Variants in AHCYL2 observed in about 807,000 individuals in gnomAD.
The protein encoded by AHCYL2 is S-adenosylhomocysteine hydrolase-like protein 2.
AHCYL2 carries 28 observed loss-of-function variants against 81.4 expected under a neutral mutation model. That is an observed-to-expected ratio of 0.34 (90% CI 0.25 to 0.47). The LOEUF is 0.47. AHCYL2 is among the 20% of genes least tolerant of loss of function. AHCYL2 has a pLI of 1.00. For missense variants in AHCYL2, 551 were observed against 785.1 expected (o/e 0.70, Z 3.56); for synonymous variants, 272 against 290.2 (o/e 0.94, Z 0.64).
intron 1 of AHCYL2, among the ~76,000 whole-genome samples, chr7:129,276,199 G>A (rs1396361329): frequency 1.3e-5 from 2 of 151,844 alleles, no homozygotes; most frequent in African/African-American, 4.8e-5. Context: ...CTGTGTATCA[G>A]AATTATGGGT....
intron 1 of AHCYL2, among the ~76,000 whole-genome samples, chr7:129,254,678 C>A (rs1241947563): frequency 6.6e-6 from 1 of 152,192 alleles, no homozygotes; most frequent in African/African-American, 2.4e-5. Flanking sequence ...GCTCATTAAG[C>A]TGTGGATCAC....
chr7:129,425,732 G>T (rs1797335528), intron 15 of AHCYL2, among the ~76,000 whole-genome samples: 2 of 152,208 alleles, frequency 1.3e-5, no homozygotes, highest in African/African-American at 4.8e-5. Flanking sequence ...GCAAAGATCA[G>T]GTAATAAATA....
intron 1 of AHCYL2, among the ~76,000 whole-genome samples, chr7:129,361,028 T>C (rs1385241908): frequency 6.6e-6 from 1 of 152,232 alleles, no homozygotes; most frequent in Non-Finnish European, 1.5e-5. Flanking sequence ...ATCTCAGAGC[T>C]ATTCAAAATG....
chr7:129,253,824 A>G (rs1795321783), intron 1 of AHCYL2, among the ~76,000 whole-genome samples: 1 of 152,190 alleles, frequency 6.6e-6, no homozygotes, highest in South Asian at 2.1e-4. Context: ...CAAATGTTTC[A>G]AAATATACTT....
chr7:129,227,457 C>CAA (rs58088647), intron 1 of AHCYL2, among the ~76,000 whole-genome samples: 2 of 70,222 alleles, frequency 2.8e-5, no homozygotes, highest in East Asian at 3.4e-4. Context: ...CCTCTCTCTC[C>CAA]AAAAAAAAAA....
intron 10 of AHCYL2, among the ~76,000 whole-genome samples, chr7:129,409,070 T>C (rs746655053): frequency 3.3e-5 from 5 of 149,508 alleles, no homozygotes; most frequent in Admixed American, 2.7e-4. Context: ...CTGGGCAGCA[T>C]AGTGAGATCC....
chr7:129,238,853 T>C (rs1224015215), intron 1 of AHCYL2, among the ~76,000 whole-genome samples: 1 of 152,124 alleles, frequency 6.6e-6, no homozygotes, highest in Non-Finnish European at 1.5e-5. Context: ...CTTAGGAGGC[T>C]GAGGCAGGAA....
intron 1 of AHCYL2, among the ~76,000 whole-genome samples, chr7:129,367,463 C>G (rs1794164645): frequency 6.6e-6 from 1 of 152,114 alleles, no homozygotes; most frequent in African/African-American, 2.4e-5. Context: ...AAGTGTGCAG[C>G]AAGGAGGGAG....
At chr7:129,387,645 T>C (rs774261128) in intron 2 of AHCYL2, among the ~76,000 whole-genome samples, 1 of 152,206 alleles carries the variant, frequency 6.6e-6, no homozygotes, top group Non-Finnish European at 1.5e-5. Flanking sequence ...AAGCCTCTGA[T>C]TTATTAGGTA....
At chr7:129,294,685 A>T (rs1205161615) in intron 1 of AHCYL2, among the ~76,000 whole-genome samples, 1 of 152,182 alleles carries the variant, frequency 6.6e-6, no homozygotes, top group Non-Finnish European at 1.5e-5. Context: ...GATATCTTTT[A>T]TTAGCAAATA....
intron 2 of AHCYL2, among the ~76,000 whole-genome samples, chr7:129,386,131 G>A (rs1204099622): frequency 2.0e-5 from 3 of 152,070 alleles, no homozygotes; most frequent in Non-Finnish European, 4.4e-5. Context: ...CTAGACAACT[G>A]ATATTTTTGG....
chr7:129,326,903 T>C (rs1009369089), intron 1 of AHCYL2, among the ~76,000 whole-genome samples: 2 of 152,168 alleles, frequency 1.3e-5, no homozygotes, highest in African/African-American at 4.8e-5. Flanking sequence ...TTGGACTTTA[T>C]TCTAAGTGCC....
rs149556380 is a variant in AHCYL2, at chr7:129,267,917, T to C, written c.363+42478T>C. Among the ~76,000 whole-genome samples the C allele has an allele frequency of 7.6e-3, 1,150 of 152,216 alleles. 14 individuals carry two copies. Among genetic ancestry groups the C allele is most frequent in the African/African-American group, 0.026 (1,068 of 41,532 alleles). ...GGTCATACTCCTATTTATTTAAAAGTACCTATAACATGGGAGTAGAAAGCT... is the reference window on the plus strand; with the variant it reads ...GGTCATACTCCTATTTATTTAAAAGCACCTATAACATGGGAGTAGAAAGCT... On this transcript the variant is annotated intron_variant, in intron 1 of 16. Transcript: ENST00000325006.
At chr7:129,237,908 G>T (rs1431047353) in intron 1 of AHCYL2, among the ~76,000 whole-genome samples, 3 of 152,000 alleles carry the variant, frequency 2.0e-5, no homozygotes, top group African/African-American at 7.3e-5. Flanking sequence ...TTTTAATAGA[G>T]ACAGGGTTTC....
chr7:129,238,867 C>T (rs533522713), intron 1 of AHCYL2, among the ~76,000 whole-genome samples: 132 of 152,180 alleles, frequency 8.7e-4, no homozygotes, highest in Middle Eastern at 6.8e-3. Context: ...GCAGGAAAAT[C>T]GCTTGAATCC....
chr7:129,352,937 C>CTTTTTTTTTT (rs59762582), intron 1 of AHCYL2, among the ~76,000 whole-genome samples: 10 of 82,554 alleles, frequency 1.2e-4, no homozygotes, highest in Admixed American at 1.0e-3. Context: ...CCTCCTCATT[C>CTTTTTTTTTT]TTTTTTTTTT....
intron 1 of AHCYL2, among the ~76,000 whole-genome samples, chr7:129,289,387 C>T (rs1414854837): frequency 6.6e-6 from 1 of 152,228 alleles, no homozygotes; most frequent in African/African-American, 2.4e-5. Context: ...CCACCTCGTC[C>T]AACCTGTCTC....
At chr7:129,270,495 T>C (rs1225893468) in intron 1 of AHCYL2, among the ~76,000 whole-genome samples, 1 of 152,148 alleles carries the variant, frequency 6.6e-6, no homozygotes, top group Non-Finnish European at 1.5e-5. Context: ...GAAAGAACAC[T>C]CAAGATTCCT....
chr7:129,360,962 G>A (rs1441061604), intron 1 of AHCYL2, among the ~76,000 whole-genome samples: 1 of 152,178 alleles, frequency 6.6e-6, no homozygotes, highest in African/African-American at 2.4e-5. Context: ...TACATGAATG[G>A]AATTATCTAG....
Sources: allele counts gnomAD v4.1 joint callset (sites outside exome capture counted in the v4.1 genomes callset), GRCh38; gene constraint gnomAD v4.1.1; transcripts MANE v1.5; gene names NCBI Gene and HGNC (gene_info 2026-07-23, HGNC 2026-07-21).